Variants in TOR1AIP1 observed in about 807,000 individuals in gnomAD.
The protein encoded by TOR1AIP1 is torsin 1A interacting protein 1, also known as torsin-1A-interacting protein 1.
TOR1AIP1 carries 54 observed loss-of-function variants against 63.3 expected under a neutral mutation model. The observed-to-expected ratio is 0.85, with a 90% CI of 0.69 to 1.07. The LOEUF is 1.07. TOR1AIP1 is among the 50% of genes least tolerant of loss of function. The probability of loss-of-function intolerance (pLI) is 0.00; values close to 1 mark genes in which losing one functional copy is unlikely to be tolerated. For synonymous variants in TOR1AIP1, 294 were observed against 273.5 expected (o/e 1.07, Z -0.74); for missense variants, 736 against 715.0 (o/e 1.03, Z -0.33).
At position 179,893,575 on chromosome 1, in the gene TOR1AIP1, G is replaced by A. The variant is rs142198929; in HGVS notation, c.610+4206G>A. Among the ~76,000 whole-genome samples the A allele has an allele frequency of 2.5e-3, 377 of 152,124 alleles. 1 individual carries two copies. The highest frequency in any genetic ancestry group is 4.0e-3 in the Non-Finnish European group (270 of 67,980). ...CCTGCCTCAGCCTCCCAAGTAGCTG[G>A]GATTACAGGCACATGACACCATGCC... On this transcript the variant is annotated intron_variant, in intron 3 of 9. Transcript: ENST00000606911.
At position 179,889,864 on chromosome 1, in the gene TOR1AIP1, A is replaced by G. The variant is rs1448857265; in HGVS notation, c.610+495A>G. The stretch of plus-strand genomic sequence containing the variant: ...GATGGGGTTTTGCCATGTTACCCAC[A>G]TGATCTCAAACGCCTGGGTAAGTGA... On this transcript the variant is annotated intron_variant, in intron 3 of 9. Transcript: ENST00000606911. 2.6e-5 allele frequency among the ~76,000 whole-genome samples: 4 copies of G among 152,092 alleles called. No individual in the cohort carries two copies. In the South Asian group the frequency reaches 6.2e-4, roughly 24 times the overall value.
At chr1:179,913,062 T>C (rs1648889285) in intron 8 of TOR1AIP1, among the ~76,000 whole-genome samples, 1 of 152,132 alleles carries the variant, frequency 6.6e-6, no homozygotes, top group Non-Finnish European at 1.5e-5. Flanking sequence ...AACCTGCTGG[T>C]ATGCTAAGAA....
Position 179,882,989 on chromosome 1 carries a change from G to A in TOR1AIP1, c.475+12G>A. 6.2e-7 allele frequency: 1 copy of A among 1,600,326 alleles called. No homozygotes were observed. Among genetic ancestry groups the A allele is most frequent in the Non-Finnish European group, 8.5e-7 (1 of 1,174,300 alleles). ...TCATTCCTCTGAAGGTGAGGACCGC[G>A]GAGGTAACAGTCCCAGCCGCGAGCC... On this transcript the variant is annotated intron_variant, in intron 1 of 9. Coordinates refer to ENST00000606911, the MANE Select transcript of TOR1AIP1 (RefSeq NM_015602.4).
intron 9 of TOR1AIP1, among the ~76,000 whole-genome samples, chr1:179,916,790 G>A (rs1479359262): frequency 3.9e-5 from 5 of 127,320 alleles, no homozygotes; most frequent in Middle Eastern, 6.1e-3. Flanking sequence ...TGCAACCTCC[G>A]CCTCCCGTGT....
At chr1:179,894,680 C>G (rs1648211324) in intron 3 of TOR1AIP1, among the ~76,000 whole-genome samples, 1 of 151,750 alleles carries the variant, frequency 6.6e-6, no homozygotes, top group African/African-American at 2.4e-5. Flanking sequence ...GAGCAAGACT[C>G]CATCTCAAAA....
intron 1 of TOR1AIP1, chr1:179,883,890 G>T (rs1571720259): frequency 6.5e-6 from 2 of 306,238 alleles, no homozygotes; most frequent in East Asian, 8.2e-5. Context: ...CCCATGTAAG[G>T]CACCTGTGAG....
At chr1:179,911,088 T>C (rs1425838402) in intron 8 of TOR1AIP1, among the ~76,000 whole-genome samples, 2 of 152,204 alleles carry the variant, frequency 1.3e-5, no homozygotes, top group Non-Finnish European at 2.9e-5. Context: ...GATAACCACA[T>C]TGAGCTTTCA....
intron 9 of TOR1AIP1, among the ~76,000 whole-genome samples, chr1:179,914,489 A>G (rs1171329475): frequency 3.3e-5 from 5 of 152,180 alleles, no homozygotes; most frequent in Non-Finnish European, 7.4e-5. Flanking sequence ...TTGTCCTGAA[A>G]GAGTACTAAG....
chr1:179,912,893 T>C (rs116579016), intron 8 of TOR1AIP1, among the ~76,000 whole-genome samples: 32 of 152,308 alleles, frequency 2.1e-4, no homozygotes, highest in African/African-American at 7.7e-4. Context: ...GATATAACGC[T>C]AAGAAGATCC....
intron 3 of TOR1AIP1, among the ~76,000 whole-genome samples, 185 bp from the exon 4 acceptor site, chr1:179,899,941 G>A (rs1231727970): frequency 3.3e-5 from 5 of 152,134 alleles, no homozygotes; most frequent in African/African-American, 7.2e-5. Flanking sequence ...CACTGCACCC[G>A]GCCAATTCTT....
At chr1:179,906,274 T>G (rs996137084) in intron 6 of TOR1AIP1, among the ~76,000 whole-genome samples, 8 of 152,242 alleles carry the variant, frequency 5.3e-5, no homozygotes, top group African/African-American at 1.9e-4. Flanking sequence ...ATAATATTTC[T>G]ATGTTCAATG....
At chr1:179,888,890 C>T (rs1189552793) in intron 2 of TOR1AIP1, among the ~76,000 whole-genome samples, 1 of 152,022 alleles carries the variant, frequency 6.6e-6, no homozygotes, top group East Asian at 1.9e-4. Context: ...ATAGAATGAG[C>T]GTATTGAATC....
chr1:179,883,008 G>T, intron 1 of TOR1AIP1, 31 bp downstream of exon 1: 1 of 1,582,500 alleles, frequency 6.3e-7, no homozygotes, highest in Non-Finnish European at 8.6e-7. Context: ...AGTCCCAGCC[G>T]CGAGCCAGGG....
intron 6 of TOR1AIP1, among the ~76,000 whole-genome samples, chr1:179,904,441 A>G (rs1374779034): frequency 6.6e-6 from 1 of 152,234 alleles, no homozygotes; most frequent in Admixed American, 6.5e-5. Flanking sequence ...GATAAAGCAC[A>G]TGTAATAAAA....
intron 3 of TOR1AIP1, among the ~76,000 whole-genome samples, chr1:179,898,637 C>T (rs1346933901): frequency 6.6e-6 from 1 of 152,108 alleles, no homozygotes; most frequent in African/African-American, 2.4e-5. Flanking sequence ...GACCAAAGTG[C>T]TGGGATTACA....
At chr1:179,903,634 G>A (rs918831884) in intron 5 of TOR1AIP1, among the ~76,000 whole-genome samples, 4 of 151,588 alleles carry the variant, frequency 2.6e-5, no homozygotes, top group Non-Finnish European at 2.9e-5. Context: ...AAGGCCTCCC[G>A]AGTAGCTTGG....
intron 8 of TOR1AIP1, among the ~76,000 whole-genome samples, chr1:179,912,972 A>C (rs1001928164): frequency 6.6e-6 from 1 of 152,150 alleles, no homozygotes; most frequent in African/African-American, 2.4e-5. Flanking sequence ...CAATACTGGT[A>C]ATATAGGTCA....
Position 179,884,786 on chromosome 1 carries a change from T to C in TOR1AIP1, c.553+17T>C. The C allele has an allele frequency of 6.3e-7, 1 of 1,586,314 alleles. No homozygotes were observed. Among genetic ancestry groups the C allele is most frequent in the African/African-American group, 1.4e-5 (1 of 73,276 alleles). ...AGGCTCCAGGTAAGAATAGTTAACT[T>C]TTTGTTTTTCTCCTTACCTACCAAC... On this transcript the variant is annotated intron_variant, in intron 2 of 9. Transcript: ENST00000606911.
chr1:179,907,615 A>G (rs61826291), intron 6 of TOR1AIP1, among the ~76,000 whole-genome samples: 3 of 22,086 alleles, frequency 1.4e-4, no homozygotes, highest in South Asian at 2.2e-3. Context: ...ATATATATAT[A>G]TATGTATATA....
Sources: allele counts gnomAD v4.1 joint callset (sites outside exome capture counted in the v4.1 genomes callset), GRCh38; gene constraint gnomAD v4.1.1; transcripts MANE v1.5; gene names NCBI Gene and HGNC (gene_info 2026-07-23, HGNC 2026-07-21).